Variants in PTPN5 observed in about 807,000 individuals in gnomAD.
PTPN5 encodes protein tyrosine phosphatase non-receptor type 5, also known as tyrosine-protein phosphatase non-receptor type 5.
In PTPN5, 29 loss-of-function variants were observed where a neutral mutation model predicts 73.9. That is an observed-to-expected ratio of 0.39 (90% CI 0.29 to 0.54). PTPN5 has a LOEUF of 0.54. Among genes scored for constraint, PTPN5 ranks in the 20% least tolerant of loss-of-function variants. PTPN5 has a pLI of 0.65. For synonymous variants in PTPN5, 267 were observed against 304.7 expected (o/e 0.88, Z 1.29); for missense variants, 652 against 751.4 (o/e 0.87, Z 1.55).
At chr11:18,744,350 A>G (rs1321038513) in intron 3 of PTPN5, 151 bp from the exon 4 acceptor site, 1 of 530,284 alleles carries the variant, frequency 1.9e-6, no homozygotes, top group Non-Finnish European at 3.1e-6. Context: ...TAGCAAAGCA[A>G]TATTCACCTA....
chr11:18,729,621 G>T lies in PTPN5; in HGVS notation c.1490+37C>A. 1 of 1,577,810 alleles carries T rather than the reference G, an allele frequency of 6.3e-7. No individual in the cohort carries two copies. Among genetic ancestry groups the T allele is most frequent in the Non-Finnish European group, 8.6e-7 (1 of 1,164,384 alleles). On this transcript the variant is annotated intron_variant, in intron 13 of 14. Transcript: ENST00000358540. The surrounding 1 kb of genome is among the most constrained non-coding windows in gnomAD (Gnocchi z 5.2). ...GGGCAGGGCAGCCCAGCGGGTGGGG[G>T]GCTGCCCCGCTCCAGTGGCTGGCTG... is the stretch of plus-strand genomic sequence containing the variant.
At chr11:18,770,346 C>G (rs1052130936) in intron 2 of PTPN5, among the ~76,000 whole-genome samples, 2 of 152,192 alleles carry the variant, frequency 1.3e-5, no homozygotes, top group Non-Finnish European at 2.9e-5. Context: ...TGCTTTCTGT[C>G]TCTATGGGTT....
At chr11:18,776,139 G>C (rs527906798) in intron 1 of PTPN5, among the ~76,000 whole-genome samples, 2 of 152,294 alleles carry the variant, frequency 1.3e-5, no homozygotes, top group East Asian at 3.9e-4. Context: ...CTGCCCCCAG[G>C]TATGCAGTTT....
chr11:18,738,739 C>T (rs1355043806), intron 8 of PTPN5, among the ~76,000 whole-genome samples: 3 of 151,986 alleles, frequency 2.0e-5, no homozygotes, highest in South Asian at 4.2e-4. Flanking sequence ...TTTGGGAGGC[C>T]GAGGCAGGCG....
At position 18,765,940 on chromosome 11, in the gene PTPN5, C is replaced by T. The variant is rs1042568864; in HGVS notation, c.21-57G>A. ...TGTTGAGCCAGGATCAAGACAAAAA[C>T]CCTGAGCAAAGATAAGAAGGCTCCC... On this transcript the variant is annotated intron_variant, in intron 2 of 14. Transcript: ENST00000358540. 9 of 1,305,648 alleles carry T rather than the reference C, an allele frequency of 6.9e-6. No individual in the cohort carries two copies. The Admixed American group carries it at 1.8e-4, about 26-fold the overall frequency. The allele number at this position is 1,305,648 out of a possible 1,614,324, so 80.9% of individuals were successfully genotyped here. A position where few individuals can be genotyped will look rare whatever the true frequency, so the allele number is the denominator to read the frequency against.
chr11:18,763,245 G>A (rs1850479782), intron 3 of PTPN5, among the ~76,000 whole-genome samples: 1 of 152,214 alleles, frequency 6.6e-6, no homozygotes, highest in African/African-American at 2.4e-5. Context: ...CCAAACTCCT[G>A]TCTGGAACAA....
intron 3 of PTPN5, among the ~76,000 whole-genome samples, chr11:18,757,454 A>G (rs1850207688): frequency 6.6e-6 from 1 of 152,238 alleles, no homozygotes; most frequent in Admixed American, 6.5e-5. Context: ...TAAGGAGTCC[A>G]GGGAACCAAA....
At position 18,729,637 on chromosome 11, in the gene PTPN5, T is replaced by G. The variant is rs751882209; in HGVS notation, c.1490+21A>C. ...CGGGTGGGGGGCTGCCCCGCTCCAG[T>G]GGCTGGCTGGGAGGACCCACCTGCA... On this transcript the variant is annotated intron_variant, in intron 13 of 14. Transcript: ENST00000358540. This position sits in a 1 kb window ranked among gnomAD's most constrained non-coding sequence, Gnocchi z 5.2. 13 of 1,576,570 alleles carry G rather than the reference T, an allele frequency of 8.2e-6. No homozygotes were observed. The highest frequency in any genetic ancestry group is 1.1e-5 in the Non-Finnish European group (13 of 1,164,008).
chr11:18,766,905 G>T (rs1850668879), intron 2 of PTPN5, among the ~76,000 whole-genome samples: 1 of 152,156 alleles, frequency 6.6e-6, no homozygotes, highest in Non-Finnish European at 1.5e-5. Flanking sequence ...GATGCATTTT[G>T]CTGGTGCTGA....
At chr11:18,778,360 C>T (rs1249463652) in intron 1 of PTPN5, among the ~76,000 whole-genome samples, 1 of 152,170 alleles carries the variant, frequency 6.6e-6, no homozygotes, top group Non-Finnish European at 1.5e-5. Context: ...TGGCCTTCTG[C>T]TCTGATGGGC....
chr11:18,729,157 G>A lies in PTPN5; in HGVS notation c.1605-130C>T. On this transcript the variant is annotated intron_variant, in intron 14 of 14. Transcript: ENST00000358540. The surrounding 1 kb of genome is among the most constrained non-coding windows in gnomAD (Gnocchi z 5.2). ...GTGCGTCTTGGAGAGACCAACCCTTGCCAACCATTACCCTCTGCCCCTTCC... is the reference window on the plus strand; with the variant it reads ...GTGCGTCTTGGAGAGACCAACCCTTACCAACCATTACCCTCTGCCCCTTCC... 1.2e-6 allele frequency: 1 copy of A among 832,892 alleles called. No homozygotes were observed. Among genetic ancestry groups the A allele is most frequent in the East Asian group, 2.6e-5 (1 of 38,972 alleles). The allele number at this position is 832,892 out of a possible 1,614,324, so 51.6% of individuals were successfully genotyped here. A position where few individuals can be genotyped will look rare whatever the true frequency, so the allele number is the denominator to read the frequency against.
intron 8 of PTPN5, among the ~76,000 whole-genome samples, chr11:18,738,186 G>A (rs924373882): frequency 6.6e-6 from 1 of 152,196 alleles, no homozygotes; most frequent in Admixed American, 6.5e-5. Context: ...ATTGTTTATG[G>A]AGAGCCAGCC....
intron 11 of PTPN5, 32 bp from the exon 12 acceptor site, chr11:18,732,734 T>TTTCTGCAGGGGC: frequency 6.4e-7 from 1 of 1,565,096 alleles, no homozygotes; most frequent in South Asian, 1.1e-5. Flanking sequence ...TGCCATACAA[T>TTTCTGCAGGGGC]CCTGTTCCCT....
At chr11:18,756,926 A>AC (rs1850174687) in intron 3 of PTPN5, among the ~76,000 whole-genome samples, 1 of 148,424 alleles carries the variant, frequency 6.7e-6, no homozygotes, top group Non-Finnish European at 1.5e-5. Flanking sequence ...TCCATCAAAA[A>AC]AAAAAAAAAA....
At chr11:18,744,863 A>G (rs1245440981) in intron 3 of PTPN5, among the ~76,000 whole-genome samples, 1 of 152,110 alleles carries the variant, frequency 6.6e-6, no homozygotes, top group Non-Finnish European at 1.5e-5. Flanking sequence ...AAGTTTCCCC[A>G]CCTGGAAGAT....
chr11:18,729,997 C>A lies in PTPN5; in HGVS notation c.1330-179G>T, dbSNP rs1276771322. 14 of 801,026 alleles carry A rather than the reference C, an allele frequency of 1.7e-5. No individual in the cohort carries two copies. The East Asian group carries it at 3.8e-4, about 22-fold the overall frequency. The allele number at this position is 801,026 out of a possible 1,614,324, so 49.6% of individuals were successfully genotyped here. A position where few individuals can be genotyped will look rare whatever the true frequency, so the allele number is the denominator to read the frequency against. ...GTGGCACCAGACACAGACCCAAAGCCAGCTTGGTTTTGGGGGTTGGTCAGC... is the reference window on the plus strand; with the variant it reads ...GTGGCACCAGACACAGACCCAAAGCAAGCTTGGTTTTGGGGGTTGGTCAGC... On this transcript the variant is annotated intron_variant, in intron 12 of 14. Coordinates refer to ENST00000358540, the MANE Select transcript of PTPN5 (RefSeq NM_006906.2). This position sits in a 1 kb window ranked among gnomAD's most constrained non-coding sequence, Gnocchi z 5.2.
Position 18,742,694 on chromosome 11 carries a change from C to G in PTPN5, c.484-191G>C, listed in dbSNP as rs544655011. Among the ~76,000 whole-genome samples the G allele has an allele frequency of 2.6e-4, 40 of 152,238 alleles. No individual in the cohort carries two copies. The highest frequency in any genetic ancestry group is 5.3e-4 in the Non-Finnish European group (36 of 68,010). Reference sequence around the variant, plus strand: ...CTCCATGCCCACTCTCCTTCCCTGCCCCTCCCTCTCCCAGCTCTCTGTTTC... The same window carrying G: ...CTCCATGCCCACTCTCCTTCCCTGCGCCTCCCTCTCCCAGCTCTCTGTTTC... On this transcript the variant is annotated intron_variant, in intron 6 of 14. Transcript: ENST00000358540. The surrounding 1 kb of genome is among the most constrained non-coding windows in gnomAD (Gnocchi z 4.1).
At chr11:18,786,128 G>A (rs1851655929) in intron 1 of PTPN5, among the ~76,000 whole-genome samples, 1 of 152,156 alleles carries the variant, frequency 6.6e-6, no homozygotes, top group African/African-American at 2.4e-5. Flanking sequence ...AGACACCGGT[G>A]GCCATGATGC....
chr11:18,761,820 C>T (rs757287845), intron 3 of PTPN5, among the ~76,000 whole-genome samples: 7 of 152,036 alleles, frequency 4.6e-5, no homozygotes, highest in Non-Finnish European at 7.4e-5. Context: ...GTGGAAGCCG[C>T]GGGATGGAGG....
Sources: allele counts gnomAD v4.1 joint callset (sites outside exome capture counted in the v4.1 genomes callset), GRCh38; gene constraint gnomAD v4.1.1; non-coding constraint Gnocchi (gnomAD v3.1); transcripts MANE v1.5; gene names NCBI Gene and HGNC (gene_info 2026-07-23, HGNC 2026-07-21).